HIVEP3: variants seen among roughly 807,000 people sequenced by gnomAD.
HIVEP3 encodes transcription factor HIVEP3.
In HIVEP3, 49 loss-of-function variants were observed where a neutral mutation model predicts 152.8. That is an observed-to-expected ratio of 0.32 (90% CI 0.26 to 0.41). HIVEP3 has a LOEUF of 0.41. Among genes scored for constraint, HIVEP3 ranks in the 10% least tolerant of loss-of-function variants. The pLI, the probability that HIVEP3 is intolerant of heterozygous loss-of-function variation, is 1.00. For synonymous variants in HIVEP3, 1,269 were observed against 1,289.0 expected (o/e 0.98, Z 0.33); for missense variants, 2,790 against 3,103.3 (o/e 0.90, Z 2.40).
At chr1:41,520,287 C>G (rs1380843493) in intron 6 of HIVEP3, among the ~76,000 whole-genome samples, 5 of 152,204 alleles carry the variant, frequency 3.3e-5, no homozygotes, top group African/African-American at 9.7e-5. Context: ...GTTTCCTTTC[C>G]TCTTTCTTCA....
At chr1:42,031,736 G>GT (rs1000507972) in intron 1 of HIVEP3, among the ~76,000 whole-genome samples, 5 of 152,008 alleles carry the variant, frequency 3.3e-5, no homozygotes, top group African/African-American at 1.2e-4. Context: ...AGATTATACA[G>GT]TTTTTTTCCC....
chr1:41,824,780 T>TAGAGAGAGAGAGAGAG (rs1642732674), intron 1 of HIVEP3, among the ~76,000 whole-genome samples: 1 of 13,600 alleles, frequency 7.4e-5, no homozygotes, highest in Non-Finnish European at 1.3e-4. Flanking sequence ...TATATATATA[T>TAGAGAGAGAGAGAGAG]ATATAGAGAG....
At chr1:41,546,815 G>A (rs1034546508) in intron 5 of HIVEP3, among the ~76,000 whole-genome samples, 1 of 152,222 alleles carries the variant, frequency 6.6e-6, no homozygotes, top group African/African-American at 2.4e-5. Flanking sequence ...CAGCAGCACT[G>A]GCCCGGCCTG....
At chr1:41,663,892 T>G (rs1645755888) in intron 2 of HIVEP3, among the ~76,000 whole-genome samples, 1 of 152,180 alleles carries the variant, frequency 6.6e-6, no homozygotes, top group African/African-American at 2.4e-5. Context: ...ATCCCAGCTC[T>G]AATTGGGTCA....
chr1:41,622,362 A>C (rs1645058669), intron 3 of HIVEP3, among the ~76,000 whole-genome samples: 1 of 152,150 alleles, frequency 6.6e-6, no homozygotes, highest in African/African-American at 2.4e-5. Context: ...AAAGGATTAA[A>C]GTGTGACATG....
intron 1 of HIVEP3, among the ~76,000 whole-genome samples, chr1:42,010,000 G>A (rs1438751870): frequency 6.6e-6 from 1 of 152,084 alleles, no homozygotes; most frequent in Non-Finnish European, 1.5e-5. Flanking sequence ...TGCCATCATA[G>A]CTCACTGCCT....
upstream of HIVEP3, among the ~76,000 whole-genome samples, chr1:41,921,915 C>T (rs1334587294): frequency 6.6e-6 from 1 of 150,950 alleles, no homozygotes; most frequent in East Asian, 1.9e-4. Flanking sequence ...AAAGTGCGCA[C>T]ACACACACAC....
rs151060084 is a variant in HIVEP3, at chr1:41,994,532, T to G, written n.119+41275A>C. 3.3e-5 allele frequency among the ~76,000 whole-genome samples: 5 copies of G among 152,230 alleles called. No homozygotes were observed. In the East Asian group the frequency reaches 9.7e-4, roughly 29 times the overall value. On this transcript the variant is annotated intron_variant and non_coding_transcript_variant, in intron 1 of 3. Coordinates refer to the HIVEP3 transcript ENST00000489103. ...ATGAGTTCTTGCGAGATGTGATGGT[T>G]TAAAATTGTGTGGCATTTCCCCCAT...
At chr1:41,915,575 A>G (rs1480339137) in intron 1 of HIVEP3, among the ~76,000 whole-genome samples, 1 of 152,246 alleles carries the variant, frequency 6.6e-6, no homozygotes, top group East Asian at 1.9e-4. Context: ...CAAAATTCAT[A>G]AACTGTAGCT....
At chr1:41,526,559 T>A (rs1407565726) in intron 5 of HIVEP3, among the ~76,000 whole-genome samples, 5 of 22,072 alleles carry the variant, frequency 2.3e-4, no homozygotes, top group South Asian at 1.8e-3. Context: ...ACCCTCACCC[T>A]CACACACCCT....
At chr1:41,993,821 T>TA (rs1645378497) in intron 1 of HIVEP3, among the ~76,000 whole-genome samples, 1 of 151,680 alleles carries the variant, frequency 6.6e-6, no homozygotes, top group Non-Finnish European at 1.5e-5. Context: ...TATGCAGCCA[T>TA]AAAAAATGAT....
intron 1 of HIVEP3, among the ~76,000 whole-genome samples, chr1:41,759,764 T>C (rs1055679601): frequency 6.6e-6 from 1 of 152,144 alleles, no homozygotes; most frequent in Non-Finnish European, 1.5e-5. Flanking sequence ...GGTCAGACTG[T>C]GATTCTACAA....
chr1:41,715,931 TG>T (rs1329992278), intron 1 of HIVEP3, among the ~76,000 whole-genome samples: 2 of 152,000 alleles, frequency 1.3e-5, no homozygotes, highest in Non-Finnish European at 2.9e-5. Context: ...TGAGACACAG[TG>T]AGAGGTGCCT....
At chr1:41,563,332 G>A (rs1644110679) in intron 5 of HIVEP3, among the ~76,000 whole-genome samples, 1 of 151,370 alleles carries the variant, frequency 6.6e-6, no homozygotes, top group Admixed American at 6.6e-5. Flanking sequence ...GGGCGATAGA[G>A]AGACTCCATC....
chr1:41,780,362 T>A (rs1291833273), intron 1 of HIVEP3, among the ~76,000 whole-genome samples: 3 of 151,466 alleles, frequency 2.0e-5, no homozygotes, highest in Non-Finnish European at 4.4e-5. Context: ...TGCCAAGGGG[T>A]AGTGAAGAAA....
At chr1:41,668,193 A>G (rs1182015181) in intron 2 of HIVEP3, among the ~76,000 whole-genome samples, 2 of 152,240 alleles carry the variant, frequency 1.3e-5, no homozygotes, top group African/African-American at 4.8e-5. Context: ...AGGCAAGACA[A>G]ATGAGGCCTG....
chr1:41,746,689 G>A (rs949040626), intron 1 of HIVEP3, among the ~76,000 whole-genome samples: 1 of 152,126 alleles, frequency 6.6e-6, no homozygotes, highest in Admixed American at 6.5e-5. Flanking sequence ...AAGCCAAACT[G>A]CCCAGGTCTG....
chr1:41,999,109 T>A (rs1236020796), intron 1 of HIVEP3, among the ~76,000 whole-genome samples: 1 of 151,876 alleles, frequency 6.6e-6, no homozygotes, highest in African/African-American at 2.4e-5. Flanking sequence ...TTGGCCAGGA[T>A]GGTCTTGATC....
intron 1 of HIVEP3, among the ~76,000 whole-genome samples, chr1:41,782,538 C>A (rs1424744430): frequency 6.6e-6 from 1 of 152,040 alleles, no homozygotes; most frequent in African/African-American, 2.4e-5. Flanking sequence ...TCAAGACAAG[C>A]CTGGCCAACA....
Sources: gnomAD v4.1 joint callset for allele counts (sites outside exome capture counted in the v4.1 genomes callset) on GRCh38, gnomAD v4.1.1 for gene constraint, MANE v1.5 for transcripts, NCBI Gene and HGNC (gene_info 2026-07-23, HGNC 2026-07-21) for gene names.